RBFOX1: variants seen among roughly 807,000 people sequenced by gnomAD.
The protein encoded by RBFOX1 is RNA binding protein fox-1 homolog 1.
In RBFOX1, 8 loss-of-function variants were observed where a neutral mutation model predicts 57.7. The ratio of observed to expected loss-of-function variants is 0.14; its 90% CI spans 0.08 to 0.25. The LOEUF (loss-of-function observed/expected upper bound fraction) is 0.25. Ranked by LOEUF, RBFOX1 falls within the 10% of genes least tolerant of loss-of-function variation. RBFOX1 has a pLI of 1.00. For missense variants in RBFOX1, 611 were observed against 548.5 expected, an observed-to-expected ratio of 1.11 and a Z score of -1.14; for synonymous variants, 326 against 222.4, an observed-to-expected ratio of 1.47 and a Z score of -4.15.
intron 1 of RBFOX1, among the ~76,000 whole-genome samples, chr16:5,310,644 A>G (rs1290606258): frequency 6.6e-6 from 1 of 152,224 alleles, no homozygotes; most frequent in Non-Finnish European, 1.5e-5. Context: ...CAATTTATGA[A>G]CAACTTGAAC....
At chr16:6,792,546 G>C (rs7202273) in intron 3 of RBFOX1, among the ~76,000 whole-genome samples, 4,428 of 152,188 alleles carry the variant, frequency 0.029, 197 homozygotes, top group African/African-American at 0.097. Flanking sequence ...TAAAAATTGA[G>C]ATGTCCCCAT....
At chr16:5,809,975 C>T (rs935520917) in intron 3 of RBFOX1, among the ~76,000 whole-genome samples, 26 of 152,122 alleles carry the variant, frequency 1.7e-4, no homozygotes, top group African/African-American at 6.3e-4. Flanking sequence ...CACATATACA[C>T]CACGGAATAC....
intron 5 of RBFOX1, among the ~76,000 whole-genome samples, chr16:7,565,037 C>T (rs949771504): frequency 5.9e-5 from 9 of 152,060 alleles, no homozygotes; most frequent in African/African-American, 1.4e-4. Context: ...ATTTGTTTGC[C>T]GACGGAGCTC....
intron 1 of RBFOX1, among the ~76,000 whole-genome samples, chr16:6,164,018 CG>C: frequency 6.6e-6 from 1 of 152,132 alleles, no homozygotes; most frequent in Non-Finnish European, 1.5e-5. Context: ...ATTTTTGTGA[CG>C]AGAGTAGTTG....
chr16:6,221,509 A>G (rs142050502), intron 1 of RBFOX1, among the ~76,000 whole-genome samples: 207 of 152,356 alleles, frequency 1.4e-3, no homozygotes, highest in African/African-American at 4.7e-3. Context: ...TATAATTTCA[A>G]TATGAGTCAG....
At chr16:5,733,178 C>G (rs1313473990) in intron 3 of RBFOX1, among the ~76,000 whole-genome samples, 1 of 152,202 alleles carries the variant, frequency 6.6e-6, no homozygotes, top group Non-Finnish European at 1.5e-5. Context: ...TGAGCCTAAA[C>G]ATTTCACCAA....
intron 4 of RBFOX1, among the ~76,000 whole-genome samples, chr16:7,071,793 C>G (rs117849312): frequency 6.6e-6 from 1 of 152,170 alleles, no homozygotes; most frequent in Non-Finnish European, 1.5e-5. Flanking sequence ...CAAATTCACA[C>G]TCATCATCTG....
chr16:7,637,280 A>T (rs2061926804), intron 11 of RBFOX1, among the ~76,000 whole-genome samples: 1 of 150,522 alleles, frequency 6.6e-6, no homozygotes, highest in Non-Finnish European at 1.5e-5. Context: ...TCAAAAAAAA[A>T]AAAAGAAGGA....
chr16:7,323,554 C>G (rs769608208), intron 4 of RBFOX1, among the ~76,000 whole-genome samples: 1 of 152,224 alleles, frequency 6.6e-6, no homozygotes, highest in Admixed American at 6.5e-5. Flanking sequence ...AGTTTTGTAG[C>G]CTCTCAGTTC....
intron 1 of RBFOX1, among the ~76,000 whole-genome samples, chr16:6,245,406 T>C (rs138669426): frequency 6.6e-6 from 1 of 152,262 alleles, no homozygotes; most frequent in East Asian, 1.9e-4. Flanking sequence ...GCACCAATAA[T>C]TCCAGTTTTC....
At chr16:7,163,521 C>A (rs1049512888) in intron 4 of RBFOX1, among the ~76,000 whole-genome samples, 1 of 152,224 alleles carries the variant, frequency 6.6e-6, no homozygotes, top group Non-Finnish European at 1.5e-5. Context: ...GTTAGCACTC[C>A]CTTTAACATC....
At chr16:6,886,064 T>C (rs1164573429) in intron 3 of RBFOX1, among the ~76,000 whole-genome samples, 5 of 146,112 alleles carry the variant, frequency 3.4e-5, no homozygotes, top group African/African-American at 1.3e-4. Flanking sequence ...TATTTTTTTT[T>C]TCTTTTTTTT....
intron 3 of RBFOX1, among the ~76,000 whole-genome samples, chr16:5,633,352 A>C (rs1393117868): frequency 6.6e-6 from 1 of 152,178 alleles, no homozygotes; most frequent in Non-Finnish European, 1.5e-5. Flanking sequence ...TCTTTTTGTA[A>C]AAAAACTTTC....
intron 3 of RBFOX1, among the ~76,000 whole-genome samples, chr16:6,896,424 C>T (rs1401689555): frequency 6.6e-6 from 1 of 151,990 alleles, no homozygotes; most frequent in Non-Finnish European, 1.5e-5. Context: ...CCTACTTTCC[C>T]CTCTTTCAGC....
intron 3 of RBFOX1, among the ~76,000 whole-genome samples, chr16:6,990,493 C>G (rs147269855): frequency 2.6e-5 from 4 of 152,094 alleles, no homozygotes; most frequent in African/African-American, 9.6e-5. Flanking sequence ...CCACTGCATT[C>G]CCACCTGGGC....
chr16:5,600,811 C>T (rs539471552), downstream of RBFOX1, among the ~76,000 whole-genome samples: 14 of 152,320 alleles, frequency 9.2e-5, no homozygotes, highest in East Asian at 3.9e-4. Context: ...GACAACCACA[C>T]ACCCAACTTT....
chr16:6,836,488 T>A (rs889112476), intron 3 of RBFOX1, among the ~76,000 whole-genome samples: 1 of 152,354 alleles, frequency 6.6e-6, no homozygotes, highest in East Asian at 1.9e-4. Flanking sequence ...GCTTTCTGTA[T>A]CACTTCAAAC....
chr16:6,733,176 A>T (rs913953517), intron 3 of RBFOX1, among the ~76,000 whole-genome samples: 1 of 152,198 alleles, frequency 6.6e-6, no homozygotes, highest in African/African-American at 2.4e-5. Context: ...CTCATCTCCC[A>T]TAGGTCATTA....
rs558396649 is a variant in RBFOX1 at position 7,215,474 on chromosome 16, A to G, written c.27+163376A>G. 3.9e-5 allele frequency among the ~76,000 whole-genome samples: 6 copies of G among 152,276 alleles called. No individual in the cohort carries two copies. The South Asian group carries it at 1.2e-3, about 32-fold the overall frequency. On this transcript the variant is annotated intron_variant, in intron 4 of 15. Coordinates refer to ENST00000550418, the MANE Select transcript of RBFOX1 (RefSeq NM_018723.4). ...AAAATGTAGCACATATACACCATGG[A>G]ATTTTGTTTATTCTTTAAAGAGCTT...
Sources: gnomAD v4.1 joint callset for allele counts (sites outside exome capture counted in the v4.1 genomes callset) on GRCh38, gnomAD v4.1.1 for gene constraint, MANE v1.5 for transcripts, NCBI Gene and HGNC (gene_info 2026-07-23, HGNC 2026-07-21) for gene names.